The following IGFN1 variants were observed in gnomAD, a reference collection of about 807,000 sequenced individuals.
The protein encoded by IGFN1 is immunoglobulin-like and fibronectin type III domain-containing protein 1.
In IGFN1, 253 loss-of-function variants were observed where a neutral mutation model predicts 289.5. That is an observed-to-expected ratio of 0.87 (90% CI 0.79 to 0.97). IGFN1 has a LOEUF of 0.97. Among genes scored for constraint, IGFN1 ranks in the 50% least tolerant of loss-of-function variants. The pLI, the probability that IGFN1 is intolerant of heterozygous loss-of-function variation, is 0.00. For synonymous variants in IGFN1, 1,706 were observed against 1,788.5 expected (o/e 0.95, Z 1.16); for missense variants, 4,470 against 4,686.1 (o/e 0.95, Z 1.35).
intron 12 of IGFN1, 111 bp from the exon 13 acceptor site, chr1:201,214,066 C>T: frequency 5.1e-6 from 6 of 1,172,728 alleles, no homozygotes; most frequent in Non-Finnish European, 7.0e-6. Context: ...GGAACCAGCC[C>T]TGCTGACACC....
intron 18 of IGFN1, among the ~76,000 whole-genome samples, chr1:201,221,037 G>A (rs10753896): frequency 0.91 from 138,306 of 152,306 alleles, 62,951 homozygotes; most frequent in East Asian, 1. Context: ...TGAGTACCCA[G>A]AAGGCAGAGT....
chr1:201,209,548 T>A lies in IGFN1; in HGVS notation c.4655T>A (p.Leu1552Ter). ...SGSKAGFTDG[L>*]GGSEEMGSVN... ...AGTAAGGCAGGTTTTACGGATGGTTTAGGAGGTTCTGAAGAAATGGGGTCA... is the reference window on the plus strand; with the variant it reads ...AGTAAGGCAGGTTTTACGGATGGTTAAGGAGGTTCTGAAGAAATGGGGTCA... Residue 1552 changes from leucine (L) to a stop codon, truncating the protein, a stop_gained, in exon 12 of 24, where the codon TTA becomes TAA. Transcript: ENST00000335211. LOFTEE classifies it high-confidence loss of function. 6.6e-7 allele frequency: 1 copy of A among 1,525,122 alleles called. No individual in the cohort carries two copies. Among genetic ancestry groups the A allele is most frequent in the East Asian group, 2.5e-5 (1 of 39,454 alleles). 94.5% of individuals were successfully genotyped at this position (1,525,122 alleles called of 1,614,324 possible).
rs771198676 is a variant in IGFN1 at position 201,227,004 on chromosome 1, G to T, written c.10909G>T (p.Val3637Leu). Residue 3637 changes from valine (V) to leucine (L), a missense_variant, in exon 23 of 24, where the codon GTG (valine) becomes TTG (leucine). Val to Leu is a conservative substitution (Grantham distance 32, BLOSUM62 1). Transcript: ENST00000335211. ...CTGCGAGTGCTGCATGAGCTGTGCC[G>T]TGCAGGGCTCGCCCCGGCCCCACGT... ...QGCECCMSCA[V>L]QGSPRPHVTW... 3 of 1,613,366 alleles carry T rather than the reference G, an allele frequency of 1.9e-6. No homozygotes were observed. The highest frequency in any genetic ancestry group is 1.1e-5 in the South Asian group (1 of 91,084).
At chr1:201,218,404 G>A (rs1474572755) in intron 17 of IGFN1, 126 bp from the exon 18 acceptor site, 5 of 833,658 alleles carry the variant, frequency 6.0e-6, no homozygotes, top group Non-Finnish European at 9.2e-6. Context: ...ACAGCGGGTG[G>A]AGGGATGTAG....
rs1667178121 is a variant in IGFN1, at chr1:201,201,851, T to TGG, written c.747+21_747+22dup. On this transcript the variant is annotated intron_variant, in intron 9 of 23. Transcript: ENST00000335211. Reference sequence around the variant, plus strand: ...GTATAAGGTGAGGCTGGAGGGGCTATGGGTGGGGGGGATCTGGCAGGGATG... The same window carrying TGG: ...GTATAAGGTGAGGCTGGAGGGGCTATGGGGGTGGGGGGGATCTGGCAGGGATG... The TGG allele has an allele frequency of 1.4e-6, 1 of 716,314 alleles. No homozygotes were observed. Among genetic ancestry groups the TGG allele is most frequent in the Non-Finnish European group, 2.4e-6 (1 of 410,286 alleles). 44.4% of individuals were successfully genotyped at this position (716,314 alleles called of 1,614,324 possible).
chr1:201,205,201 C>T lies in IGFN1; in HGVS notation c.1036C>T (p.Arg346Trp), dbSNP rs540024608. ...TAGTGCAGCCTGGCATTTCCGGCAC[C>T]GGCTACTCCACCCCAGTGACAAATA... ...CPSAAWHFRH[R>W]LLHPSDKYEV... The change falls in exon 11 of 24, where the codon CGG (arginine) becomes TGG (tryptophan). Residue 346 changes from arginine to tryptophan, a missense_variant. Arg to Trp is a moderately radical substitution (Grantham distance 101, BLOSUM62 -3). Transcript: ENST00000335211. 3.3e-4 allele frequency: 518 copies of T among 1,551,272 alleles called. 2 individuals carry two copies. The South Asian group carries it at 3.4e-3, about 10-fold the overall frequency.
chr1:201,208,126 G>C lies in IGFN1; in HGVS notation c.3233G>C (p.Gly1078Ala), dbSNP rs1378076706. The change falls in exon 12 of 24, where the codon GGG (glycine) becomes GCG (alanine). Residue 1078 changes from glycine (G) to alanine (A), a missense_variant. Transcript: ENST00000335211. The part of the protein sequence containing the change: ...RGGHHSDGGL[G>A]SPGVTGSAGR... ...GGGCACCATTCAGATGGTGGCCTAG[G>C]GAGTCCTGGGGTGACAGGGTCTGCG... is the stretch of plus-strand genomic sequence containing the variant. The C allele has an allele frequency of 6.5e-7, 1 of 1,537,006 alleles. No individual in the cohort carries two copies. Among genetic ancestry groups the C allele is most frequent in the East Asian group, 2.4e-5 (1 of 40,902 alleles).
At position 201,222,721 on chromosome 1, in the gene IGFN1, T is replaced by G; in HGVS notation, c.10202-18T>G. 6.3e-7 allele frequency: 1 copy of G among 1,597,146 alleles called. No homozygotes were observed. The highest frequency in any genetic ancestry group is 8.6e-7 in the Non-Finnish European group (1 of 1,166,190). ...TGTGAGGGAGGAGGGAGGTAACCAG[T>G]CCTCTTGTGCGTTTCAGTCTGTCCC... On this transcript the variant is annotated intron_variant, in intron 19 of 23. Coordinates refer to ENST00000335211, the MANE Select transcript of IGFN1 (RefSeq NM_001164586.2).
chr1:201,208,702 G>A lies in IGFN1; in HGVS notation c.3809G>A (p.Cys1270Tyr), dbSNP rs1471721513. 5 of 1,536,964 alleles carry A rather than the reference G, an allele frequency of 3.3e-6. No homozygotes were observed. Among genetic ancestry groups the A allele is most frequent in the Non-Finnish European group, 4.4e-6 (5 of 1,146,818 alleles). ...ATGGGATCAGCAGATGGGCCAGGTTGTAGGAAGGGTATTGGGAGTTCTGGG... is the reference window on the plus strand; with the variant it reads ...ATGGGATCAGCAGATGGGCCAGGTTATAGGAAGGGTATTGGGAGTTCTGGG... ...QGMGSADGPG[C>Y]RKGIGSSGEM... Residue 1270 changes from cysteine (C) to tyrosine (Y), a missense_variant, in exon 12 of 24, where the codon TGT becomes TAT. By Grantham distance (194) the Cys-to-Tyr change is radical (BLOSUM62 -2). Coordinates refer to ENST00000335211, the MANE Select transcript of IGFN1 (RefSeq NM_001164586.2).
chr1:201,195,882 G>A lies in IGFN1; in HGVS notation c.171G>A (p.Arg57=). 8.4e-6 allele frequency: 13 copies of A among 1,551,742 alleles called. No individual in the cohort carries two copies. The highest frequency in any genetic ancestry group is 1.2e-5 in the South Asian group (1 of 84,052). The part of the protein sequence containing the change: ...VFRAVVCGEP[R]PEVRWQNSKG... ...GGGCTGTGGTCTGTGGGGAGCCCAG[G>A]CCCGAGGTGCGTTGGCAGAACTCCA... Residue 57 remains arginine, a synonymous_variant, in exon 4 of 24, where the codon AGG becomes AGA. Transcript: ENST00000335211.
At chr1:201,191,447 C>T (rs1423342621) in intron 1 of IGFN1, among the ~76,000 whole-genome samples, 2 of 152,014 alleles carry the variant, frequency 1.3e-5, no homozygotes, top group African/African-American at 4.8e-5. Flanking sequence ...AGGGACTGTC[C>T]CAGGATCCAG....
chr1:201,223,006 C>G, intron 20 of IGFN1, 179 bp downstream of exon 20: 1 of 483,066 alleles, frequency 2.1e-6, no homozygotes, highest in South Asian at 3.1e-5. Context: ...GGATTCAGGT[C>G]CTCCTTGAAG....
Position 201,225,904 on chromosome 1 carries a change from G to A in IGFN1, c.10567G>A (p.Asp3523Asn). Reference sequence around the variant, plus strand: ...GACGGCCGAGTGGGAACCCTCTCCTGACGAGGCCCAGGATGTCCCGCTGCA... The same window carrying A: ...GACGGCCGAGTGGGAACCCTCTCCTAACGAGGCCCAGGATGTCCCGCTGCA... The part of the protein sequence containing the change: ...TVTAEWEPSP[D>N]EAQDVPLHYA... The change falls in exon 22 of 24, where the codon GAC (aspartate) becomes AAC (asparagine). Residue 3523 changes from aspartate to asparagine, a missense_variant. Asp to Asn is a conservative substitution (Grantham distance 23, BLOSUM62 1). This residue lies in a region of IGFN1 where 2,218 missense variants were observed against 2,114.1 expected (regional missense o/e 1.05). Transcript: ENST00000335211. 2 of 1,611,578 alleles carry A rather than the reference G, an allele frequency of 1.2e-6. No homozygotes were observed. Among genetic ancestry groups the A allele is most frequent in the Non-Finnish European group, 1.7e-6 (2 of 1,178,976 alleles).
intron 18 of IGFN1, 40 bp from the exon 19 acceptor site, chr1:201,221,404 C>T (rs1237123290): frequency 6.9e-7 from 1 of 1,457,074 alleles, no homozygotes; most frequent in Non-Finnish European, 9.2e-7. Context: ...TGGCCTCCCT[C>T]AGGAGATGCC....
chr1:201,213,721 C>T, intron 12 of IGFN1, 100 bp downstream of exon 12: 1 of 1,010,994 alleles, frequency 9.9e-7, no homozygotes, highest in South Asian at 1.6e-5. Flanking sequence ...TGCCTCCAGC[C>T]CCAGGAGTTT....
chr1:201,193,087 C>A (rs1666729332), intron 1 of IGFN1, among the ~76,000 whole-genome samples, 160 bp from the exon 2 acceptor site: 1 of 152,064 alleles, frequency 6.6e-6, no homozygotes, highest in South Asian at 2.1e-4. Context: ...CAGGGAATTG[C>A]AGGAAACTAA....
chr1:201,216,095 G>T, intron 15 of IGFN1: 1 of 690,272 alleles, frequency 1.4e-6, no homozygotes. Flanking sequence ...GGGCCCTCAG[G>T]AAGTTGCTGG....
intron 5 of IGFN1, 88 bp from the exon 6 acceptor site, chr1:201,199,246 T>A: frequency 8.8e-7 from 1 of 1,140,530 alleles, no homozygotes; most frequent in Non-Finnish European, 1.3e-6. Context: ...TGGGACTCCA[T>A]CAGTTTCTCA....
rs1300705821 is a variant in IGFN1, at chr1:201,211,554, C to T, written c.6661C>T (p.Pro2221Ser). 6 of 1,520,808 alleles carry T rather than the reference C, an allele frequency of 3.9e-6. No homozygotes were observed. The South Asian group carries it at 6.1e-5, about 15-fold the overall frequency. The allele number at this position is 1,520,808 out of a possible 1,614,324, so 94.2% of individuals were successfully genotyped here. ...AGGTTATAGGAAGGATTTGGGGGCT[C>T]CTAAGGGAATGGGTTCAGGGAGTAA... is the stretch of plus-strand genomic sequence containing the variant. ...KAGYRKDLGA[P>S]KGMGSGSKAG... The change falls in exon 12 of 24, where the codon CCT becomes TCT. Residue 2221 changes from proline to serine, a missense_variant. Pro to Ser is a moderately conservative substitution (Grantham distance 74, BLOSUM62 -1). Around this residue, in one of 8 missense-constraint regions of IGFN1, gnomAD observed 2,218 missense variants for 2,114.1 expected, o/e 1.05. Coordinates refer to ENST00000335211, the MANE Select transcript of IGFN1 (RefSeq NM_001164586.2).
Sources: gnomAD v4.1 joint callset for allele counts (sites outside exome capture counted in the v4.1 genomes callset) on GRCh38, gnomAD v4.1.1 for gene constraint, gnomAD v4.1.1 regional missense constraint, MANE v1.5 for transcripts, NCBI Gene and HGNC (gene_info 2026-07-23, HGNC 2026-07-21) for gene names.